NYAP2: variants seen among roughly 807,000 people sequenced by gnomAD.
The protein encoded by NYAP2 is neuronal tyrosine-phosphorylated phosphoinositide-3-kinase adapter 2.
A neutral mutation model predicts 50.4 loss-of-function variants in NYAP2; 23 were observed. The ratio of observed to expected loss-of-function variants is 0.46; its 90% CI spans 0.33 to 0.65. The LOEUF (loss-of-function observed/expected upper bound fraction) is 0.65, where lower values mean the gene tolerates loss of function less well. Ranked by LOEUF, NYAP2 falls within the 30% of genes least tolerant of loss-of-function variation. The pLI is 0.02. For synonymous variants in NYAP2, 394 were observed against 365.2 expected (o/e 1.08, Z -0.90); for missense variants, 885 against 861.0 (o/e 1.03, Z -0.35).
chr2:225,487,612 A>G (rs1690325651), intron 3 of NYAP2, among the ~76,000 whole-genome samples: 1 of 152,076 alleles, frequency 6.6e-6, no homozygotes, highest in African/African-American at 2.4e-5. Context: ...CAACTGCTTC[A>G]GCCTCCCAAA....
intron 5 of NYAP2, among the ~76,000 whole-genome samples, chr2:225,621,846 A>G (rs559235715): frequency 4.8e-4 from 73 of 152,226 alleles, no homozygotes; most frequent in African/African-American, 1.7e-3. Context: ...TCCAGTAGCA[A>G]TAAACCCTTA....
At chr2:225,668,956 C>CTTTTTTTTTTTT in the NYAP2 span, among the ~76,000 whole-genome samples, 2 of 69,524 alleles carry the variant, frequency 2.9e-5, no homozygotes, top group East Asian at 5.3e-4. Context: ...GTGTCCCCTG[C>CTTTTTTTTTTTT]TTTTTTTTTT....
chr2:225,650,535 A>C (rs1693711984), intron 6 of NYAP2, among the ~76,000 whole-genome samples: 2 of 152,206 alleles, frequency 1.3e-5, no homozygotes, highest in South Asian at 4.1e-4. Context: ...TTGTAAGTTG[A>C]GGATATTGAT....
chr2:225,420,026 A>G (rs1695190528), intron 3 of NYAP2, among the ~76,000 whole-genome samples: 1 of 152,220 alleles, frequency 6.6e-6, no homozygotes, highest in Admixed American at 6.5e-5. Context: ...AAAGGATGCA[A>G]TAATTGGTAG....
At chr2:225,521,521 A>G (rs576234745) in intron 4 of NYAP2, among the ~76,000 whole-genome samples, 8 of 151,748 alleles carry the variant, frequency 5.3e-5, no homozygotes, top group Non-Finnish European at 8.8e-5. Flanking sequence ...TTCTGCATCT[A>G]TTGAGATAAT....
chr2:225,528,284 T>G (rs1409528398), intron 4 of NYAP2, among the ~76,000 whole-genome samples: 1 of 152,194 alleles, frequency 6.6e-6, no homozygotes, highest in Non-Finnish European at 1.5e-5. Flanking sequence ...ACTAAAATTC[T>G]ATGGGATAAT....
chr2:225,412,255 C>CTTTTTTTTT (rs560637948), intron 3 of NYAP2, among the ~76,000 whole-genome samples: 3,500 of 58,948 alleles, frequency 0.059, 712 homozygotes, highest in East Asian at 0.093. Context: ...CTGCGCCCGG[C>CTTTTTTTTT]TTTTTTTTTT....
chr2:225,419,199 T>C (rs1695175477), intron 3 of NYAP2, among the ~76,000 whole-genome samples: 1 of 152,160 alleles, frequency 6.6e-6, no homozygotes, highest in Non-Finnish European at 1.5e-5. Flanking sequence ...AATCCTGTAA[T>C]ACAAGAAGGA....
chr2:225,458,637 T>C (rs954367063), intron 3 of NYAP2, among the ~76,000 whole-genome samples: 3 of 152,366 alleles, frequency 2.0e-5, no homozygotes, highest in African/African-American at 4.8e-5. Flanking sequence ...AGCAGAAGCC[T>C]GATCTCTGCT....
At chr2:225,424,182 A>C (rs1418349633) in intron 3 of NYAP2, among the ~76,000 whole-genome samples, 1 of 152,154 alleles carries the variant, frequency 6.6e-6, no homozygotes, top group African/African-American at 2.4e-5. Flanking sequence ...GTGAACCAAG[A>C]ATATGTTATT....
intron 3 of NYAP2, among the ~76,000 whole-genome samples, chr2:225,452,096 G>A (rs1183824135): frequency 1.3e-5 from 2 of 152,204 alleles, no homozygotes; most frequent in African/African-American, 2.4e-5. Flanking sequence ...CAGTTGAGGG[G>A]AAGATGAGGG....
chr2:225,604,836 G>T (rs1207010437), intron 5 of NYAP2, among the ~76,000 whole-genome samples: 1 of 152,032 alleles, frequency 6.6e-6, no homozygotes, highest in African/African-American at 2.4e-5. Flanking sequence ...AAAATGTACA[G>T]TACTGATACA....
At chr2:225,622,101 A>T (rs773136882) in intron 5 of NYAP2, among the ~76,000 whole-genome samples, 6 of 152,088 alleles carry the variant, frequency 3.9e-5, no homozygotes, top group Non-Finnish European at 8.8e-5. Context: ...GCACAATCTC[A>T]GCTCACTGCA....
intron 4 of NYAP2, among the ~76,000 whole-genome samples, chr2:225,543,038 A>T (rs182586720): frequency 4.1e-4 from 63 of 152,106 alleles, no homozygotes; most frequent in South Asian, 1.2e-3. Context: ...AGATTTTCCA[A>T]TTTATTGGTC....
At chr2:225,424,268 A>G (rs186792190) in intron 3 of NYAP2, among the ~76,000 whole-genome samples, 1 of 152,264 alleles carries the variant, frequency 6.6e-6, no homozygotes, top group East Asian at 1.9e-4. Context: ...CTTCTGAGGT[A>G]TAAGTAAGTC....
At chr2:225,567,354 T>C (rs1327338944) in intron 4 of NYAP2, among the ~76,000 whole-genome samples, 1 of 151,974 alleles carries the variant, frequency 6.6e-6, no homozygotes, top group Non-Finnish European at 1.5e-5. Flanking sequence ...TGAAGGGATA[T>C]ATAAGAAAGA....
At chr2:225,676,121 G>A in the NYAP2 span, among the ~76,000 whole-genome samples, 1 of 151,966 alleles carries the variant, frequency 6.6e-6, no homozygotes, top group Non-Finnish European at 1.5e-5. Context: ...TACTCTATTG[G>A]TAATTTGTTT....
At chr2:225,426,184 A>G (rs1309090306) in intron 3 of NYAP2, among the ~76,000 whole-genome samples, 1 of 151,116 alleles carries the variant, frequency 6.6e-6, no homozygotes, top group East Asian at 1.9e-4. Context: ...ACCTCAATCT[A>G]TAATATAATG....
At chr2:225,651,406 T>C in intron 6 of NYAP2, 26 bp from the exon 7 acceptor site, 1 of 1,613,846 alleles carries the variant, frequency 6.2e-7, no homozygotes, top group East Asian at 2.2e-5. Context: ...TCAGCTAATA[T>C]TGTGTCTTTT....
Sources: gnomAD v4.1 joint callset for allele counts (sites outside exome capture counted in the v4.1 genomes callset) on GRCh38, gnomAD v4.1.1 for gene constraint, MANE v1.5 for transcripts, NCBI Gene and HGNC (gene_info 2026-07-23, HGNC 2026-07-21) for gene names.